The following UGT1A10 variants were observed in gnomAD, a reference collection of about 807,000 sequenced individuals.
UGT1A10 encodes the protein UDP glucuronosyltransferase family 1 member A10.
UGT1A10 carries 49 observed loss-of-function variants against 45.8 expected under a neutral mutation model. That is an observed-to-expected ratio of 1.07 (90% CI 0.85 to 1.36). UGT1A10 has a LOEUF of 1.36. Among genes scored for constraint, UGT1A10 ranks in the 40% most tolerant of loss-of-function variants. The pLI is 0.00. For synonymous variants in UGT1A10, 284 were observed against 249.7 expected (o/e 1.14, Z -1.29); for missense variants, 745 against 668.6 (o/e 1.11, Z -1.26).
At chr2:233,717,710 C>G in intron 1 of UGT1A10, 1 of 452,848 alleles carries the variant, frequency 2.2e-6, no homozygotes, top group Non-Finnish European at 4.5e-6. Context: ...CAGGACGAGC[C>G]TCATGGGCAT....
chr2:233,663,459 A>T (rs2074014017), intron 1 of UGT1A10, among the ~76,000 whole-genome samples: 1 of 152,212 alleles, frequency 6.6e-6, no homozygotes, highest in Non-Finnish European at 1.5e-5. Flanking sequence ...ACAAGAGCAG[A>T]TGAGCCAGTT....
chr2:233,719,580 G>A (rs369777528), intron 1 of UGT1A10: 53 of 1,613,798 alleles, frequency 3.3e-5, no homozygotes, highest in East Asian at 4.5e-5. Flanking sequence ...CTATGCATCC[G>A]TGTGGCTGTT....
In UGT1A10 at chr2:233,767,087, T is replaced by A; in HGVS notation, c.909T>A (p.Ser303=). 1 of 1,614,180 alleles carries A rather than the reference T, an allele frequency of 6.2e-7. No homozygotes were observed. The highest frequency in any genetic ancestry group is 8.5e-7 in the Non-Finnish European group (1 of 1,180,034). The change falls in exon 2 of 5, where the codon TCT becomes TCA. Residue 303 remains serine, a synonymous_variant. Coordinates refer to ENST00000344644, the MANE Select transcript of UGT1A10 (RefSeq NM_019075.4). ...GAGAACATGGAATTGTGGTTTTCTC[T>A]TTGGGATCAATGGTCTCAGAAATTC... is the stretch of plus-strand genomic sequence containing the variant. The part of the protein sequence containing the change: ...ASGEHGIVVF[S]LGSMVSEIPE...
chr2:233,747,148 T>C (rs2125883163), intron 1 of UGT1A10: 2 of 1,570,870 alleles, frequency 1.3e-6, no homozygotes, highest in Non-Finnish European at 1.7e-6. Flanking sequence ...GTAATTAAGA[T>C]GAAGAAAACA....
intron 1 of UGT1A10, among the ~76,000 whole-genome samples, chr2:233,735,882 G>T (rs1173866401): frequency 6.6e-6 from 1 of 152,160 alleles, no homozygotes; most frequent in Admixed American, 6.5e-5. Flanking sequence ...GAGATCTGCT[G>T]TTAGTCTGAT....
intron 1 of UGT1A10, among the ~76,000 whole-genome samples, chr2:233,756,797 C>T (rs954051942): frequency 2.0e-5 from 3 of 151,992 alleles, no homozygotes. Context: ...GGGCAATACA[C>T]TAGTAAAGGT....
At position 233,637,343 on chromosome 2, in the gene UGT1A10, G is replaced by T. The variant is rs186169024; in HGVS notation, c.821G>T (p.Gly274Val). 1.9e-6 allele frequency: 3 copies of T among 1,613,708 alleles called. No individual in the cohort carries two copies. Among genetic ancestry groups the T allele is most frequent in the Non-Finnish European group, 1.7e-6 (2 of 1,179,814 alleles). ...ATGCCCAACATGATCTTCATTGGTG[G>T]TATCAACTGTCATCAGGGAAAGCCA... is the stretch of plus-strand genomic sequence containing the variant. ...PVMPNMIFIG[G>V]INCHQGKPLP... Residue 274 changes from glycine (G) to valine (V), a missense_variant, in exon 1 of 5, where the codon GGT becomes GTT. Transcript: ENST00000344644.
At chr2:233,734,382 A>G (rs189270285) in intron 1 of UGT1A10, among the ~76,000 whole-genome samples, 35 of 152,082 alleles carry the variant, frequency 2.3e-4, no homozygotes, top group Admixed American at 1.0e-3. Context: ...TGCCTTTACT[A>G]TTTTTTATTG....
intron 1 of UGT1A10, among the ~76,000 whole-genome samples, chr2:233,717,124 A>G (rs1167442935): frequency 1.3e-5 from 2 of 152,206 alleles, no homozygotes; most frequent in African/African-American, 4.8e-5. Context: ...CTACATGGAA[A>G]TAGAACACCA....
chr2:233,693,611 A>G (rs1423413232), intron 1 of UGT1A10: 20 of 1,614,080 alleles, frequency 1.2e-5, no homozygotes, highest in Non-Finnish European at 1.4e-5. Flanking sequence ...TTCAGACCAC[A>G]TGACTTTTTC....
At chr2:233,755,268 A>G (rs983713744) in intron 1 of UGT1A10, 4 of 766,442 alleles carry the variant, frequency 5.2e-6, no homozygotes, top group Non-Finnish European at 5.9e-6. Context: ...GTAGTCCACT[A>G]TGCTGGACTG....
chr2:233,656,930 T>G (rs369184190), intron 1 of UGT1A10, among the ~76,000 whole-genome samples: 7 of 152,182 alleles, frequency 4.6e-5, no homozygotes, highest in East Asian at 1.9e-4. Context: ...CATCTTTTTT[T>G]TTTTTCCTTT....
intron 1 of UGT1A10, among the ~76,000 whole-genome samples, chr2:233,643,187 G>A (rs1480005326): frequency 1.3e-5 from 2 of 152,242 alleles, no homozygotes; most frequent in Admixed American, 6.5e-5. Flanking sequence ...CCATCTAGGA[G>A]TCAGGGACTA....
chr2:233,768,820 G>A (rs1699735908), intron 4 of UGT1A10, among the ~76,000 whole-genome samples: 1 of 151,998 alleles, frequency 6.6e-6, no homozygotes, highest in Non-Finnish European at 1.5e-5. Flanking sequence ...CTGACTTCAG[G>A]TGATCCACCT....
At position 233,672,397 on chromosome 2, in the gene UGT1A10, T is replaced by G; in HGVS notation, c.855+35020T>G. 1 of 1,614,106 alleles carries G rather than the reference T, an allele frequency of 6.2e-7. No individual in the cohort carries two copies. The highest frequency in any genetic ancestry group is 8.5e-7 in the Non-Finnish European group (1 of 1,179,984). Reference sequence around the variant, plus strand: ...TCTCGATCCTTTTGATAACTGTGGCTTAATTGTTGCCAAATATTTCTCCCT... The same window carrying G: ...TCTCGATCCTTTTGATAACTGTGGCGTAATTGTTGCCAAATATTTCTCCCT... On this transcript the variant is annotated intron_variant, in intron 1 of 4. Transcript: ENST00000344644.
At chr2:233,673,402 T>A (rs1305346652) in intron 1 of UGT1A10, among the ~76,000 whole-genome samples, 1 of 152,186 alleles carries the variant, frequency 6.6e-6, no homozygotes, top group Non-Finnish European at 1.5e-5. Flanking sequence ...TTTAGGCATT[T>A]TGCATTTTTT....
At chr2:233,645,243 G>T (rs1212175241) in intron 1 of UGT1A10, among the ~76,000 whole-genome samples, 1 of 152,118 alleles carries the variant, frequency 6.6e-6, no homozygotes, top group African/African-American at 2.4e-5. Flanking sequence ...CTGCCCCCAT[G>T]ATTCAATTTT....
rs144511743 is a variant in UGT1A10, at chr2:233,636,615, G to T, written c.93G>T (p.Val31=). The stretch of plus-strand genomic sequence containing the variant: ...CCGAGGCAGGGAAGCTGCTGGTAGT[G>T]CCCATGGATGGGAGTCACTGGTTCA... ...GFAEAGKLLV[V]PMDGSHWFTM... is the part of the protein sequence containing the mutation. The change falls in exon 1 of 5, where the codon GTG becomes GTT. Residue 31 remains valine, a synonymous_variant. Coordinates refer to ENST00000344644, the MANE Select transcript of UGT1A10 (RefSeq NM_019075.4). 47 of 1,614,044 alleles carry T rather than the reference G, an allele frequency of 2.9e-5. No homozygotes were observed. Among genetic ancestry groups the T allele is most frequent in the Non-Finnish European group, 3.9e-5 (46 of 1,180,044 alleles).
intron 1 of UGT1A10, among the ~76,000 whole-genome samples, chr2:233,720,799 G>A (rs796093691): frequency 6.1e-4 from 92 of 151,266 alleles, no homozygotes; most frequent in African/African-American, 2.0e-3. Flanking sequence ...TTCACCTCCC[G>A]GGTTTAAGAA....
Sources: gnomAD v4.1 joint callset for allele counts (sites outside exome capture counted in the v4.1 genomes callset) on GRCh38, gnomAD v4.1.1 for gene constraint, MANE v1.5 for transcripts, NCBI Gene and HGNC (gene_info 2026-07-23, HGNC 2026-07-21) for gene names.